SPOCK1: variants seen among roughly 807,000 people sequenced by gnomAD.
SPOCK1 encodes the protein SPARC (osteonectin), cwcv and kazal like domains proteoglycan 1.
Under a neutral mutation model 55.3 loss-of-function variants are expected in SPOCK1, and 23 were observed. The ratio of observed to expected loss-of-function variants is 0.42; its 90% CI spans 0.30 to 0.59. The LOEUF (loss-of-function observed/expected upper bound fraction) is 0.59, where lower values mean the gene tolerates loss of function less well. Among genes scored for constraint, SPOCK1 ranks in the 20% least tolerant of loss-of-function variants. SPOCK1 has a pLI of 0.22. For missense variants in SPOCK1, 499 were observed against 552.5 expected, an observed-to-expected ratio of 0.90 and a Z score of 0.97; for synonymous variants, 226 against 221.0, an observed-to-expected ratio of 1.02 and a Z score of -0.20.
chr5:137,446,081 C>A (rs969029496), intron 2 of SPOCK1, among the ~76,000 whole-genome samples: 5 of 152,140 alleles, frequency 3.3e-5, no homozygotes, highest in African/African-American at 1.2e-4. Flanking sequence ...CACTAAAATT[C>A]TATGCTCTAC....
At chr5:137,252,836 C>T (rs531497323) in intron 3 of SPOCK1, among the ~76,000 whole-genome samples, 9 of 152,146 alleles carry the variant, frequency 5.9e-5, no homozygotes, top group Non-Finnish European at 8.8e-5. Context: ...AGAGCATGCC[C>T]TTTGGGGCTG....
intron 3 of SPOCK1, among the ~76,000 whole-genome samples, chr5:137,232,103 A>G (rs1583391): frequency 0.85 from 128,821 of 152,120 alleles, 54,562 homozygotes; most frequent in African/African-American, 0.86. Flanking sequence ...AACACTTGCC[A>G]CCTGTAAGAT....
At chr5:137,407,934 C>T (rs967698756) in intron 2 of SPOCK1, among the ~76,000 whole-genome samples, 1 of 152,124 alleles carries the variant, frequency 6.6e-6, no homozygotes, top group South Asian at 2.1e-4. Context: ...TGCTTGCTGG[C>T]TGCCTCTCCC....
chr5:137,213,390 A>G (rs1755654651), intron 3 of SPOCK1, among the ~76,000 whole-genome samples: 1 of 152,222 alleles, frequency 6.6e-6, no homozygotes, highest in Admixed American at 6.5e-5. Flanking sequence ...AACACTATCA[A>G]GAACTCATAT....
chr5:137,183,766 G>A (rs1369715641), intron 3 of SPOCK1, among the ~76,000 whole-genome samples: 1 of 152,180 alleles, frequency 6.6e-6, no homozygotes, highest in Admixed American at 6.5e-5. Context: ...GTAGACGTTG[G>A]CAAGTTGCTT....
intron 2 of SPOCK1, among the ~76,000 whole-genome samples, chr5:137,296,709 C>T (rs993733087): frequency 3.3e-5 from 5 of 152,100 alleles, no homozygotes; most frequent in Non-Finnish European, 7.4e-5. Context: ...TGGAGATGTC[C>T]GGACTAGCAT....
intron 5 of SPOCK1, among the ~76,000 whole-genome samples, chr5:137,075,709 T>C (rs1752744008): frequency 6.6e-6 from 1 of 152,108 alleles, no homozygotes; most frequent in Non-Finnish European, 1.5e-5. Context: ...AGTCTTGCTG[T>C]CCTCCAGGCA....
chr5:137,200,347 T>C (rs934156318), intron 3 of SPOCK1, among the ~76,000 whole-genome samples: 6 of 152,150 alleles, frequency 3.9e-5, no homozygotes, highest in Non-Finnish European at 8.8e-5. Context: ...CCATCTGAAA[T>C]ATCAAACCTC....
intron 5 of SPOCK1, among the ~76,000 whole-genome samples, chr5:137,111,953 G>C (rs1753484056): frequency 6.6e-6 from 1 of 152,068 alleles, no homozygotes; most frequent in South Asian, 2.1e-4. Context: ...CCCCAGAAAA[G>C]AACAGTGCCT....
At chr5:137,354,344 C>T (rs1750744572) in intron 2 of SPOCK1, among the ~76,000 whole-genome samples, 1 of 152,152 alleles carries the variant, frequency 6.6e-6, no homozygotes, top group Admixed American at 6.5e-5. Context: ...TTGGTCCTCA[C>T]CCCACTCCTC....
intron 3 of SPOCK1, among the ~76,000 whole-genome samples, chr5:137,200,560 A>C (rs1351283831): frequency 6.6e-6 from 1 of 152,238 alleles, no homozygotes; most frequent in East Asian, 1.9e-4. Context: ...AGTGTTTGGC[A>C]CATAATAGGT....
chr5:137,068,390 C>A (rs1029790985), intron 5 of SPOCK1, among the ~76,000 whole-genome samples: 2 of 152,222 alleles, frequency 1.3e-5, no homozygotes, highest in African/African-American at 4.8e-5. Flanking sequence ...CACGGGTCTT[C>A]CCCCATCAGA....
chr5:136,987,393 T>C (rs1034573003), intron 8 of SPOCK1, among the ~76,000 whole-genome samples: 1 of 152,210 alleles, frequency 6.6e-6, no homozygotes, highest in Non-Finnish European at 1.5e-5. Flanking sequence ...ATTTCCAGAA[T>C]GTTTCATTTG....
intron 6 of SPOCK1, among the ~76,000 whole-genome samples, chr5:136,996,634 CAG>C (rs1751044310): frequency 6.6e-6 from 1 of 152,110 alleles, no homozygotes; most frequent in Admixed American, 6.5e-5. Flanking sequence ...AGTGGGGACT[CAG>C]AGAACTTTTC....
chr5:137,119,838 C>T (rs1753654126), intron 4 of SPOCK1, among the ~76,000 whole-genome samples: 1 of 152,232 alleles, frequency 6.6e-6, no homozygotes, highest in African/African-American at 2.4e-5. Flanking sequence ...ACTGCTGTTA[C>T]TACTACCCAT....
intron 7 of SPOCK1, among the ~76,000 whole-genome samples, chr5:136,990,366 G>A (rs551891489): frequency 3.4e-4 from 51 of 151,298 alleles, no homozygotes; most frequent in African/African-American, 1.2e-3. Flanking sequence ...CTCCCTGAGG[G>A]AAAAGACTGT....
intron 2 of SPOCK1, among the ~76,000 whole-genome samples, chr5:137,370,064 G>A (rs1468741140): frequency 2.0e-5 from 3 of 152,218 alleles, no homozygotes; most frequent in Admixed American, 6.5e-5. Flanking sequence ...CGCTTATTCT[G>A]GTAGCGAGTG....
In SPOCK1 at chr5:137,204,789, A is replaced by G. The variant is rs114421699; in HGVS notation, c.232+62221T>C. Among the ~76,000 whole-genome samples the G allele has an allele frequency of 4.1e-3, 628 of 151,920 alleles. 3 individuals are homozygous for G. The highest frequency in any genetic ancestry group is 0.014 in the African/African-American group (600 of 41,408). On this transcript the variant is annotated intron_variant, in intron 3 of 10. Transcript: ENST00000394945. ...TGGAATAAGGTCCATATCCGAATTG[A>G]CCTCCACTGACCCCTGCAATCTCAT...
chr5:137,470,831 G>T (rs1009513843), intron 2 of SPOCK1, among the ~76,000 whole-genome samples: 4 of 152,162 alleles, frequency 2.6e-5, no homozygotes, highest in Middle Eastern at 3.2e-3. Context: ...GCTGCCCAGT[G>T]TCTGGCAGAA....
Sources: gnomAD v4.1 joint callset for allele counts (sites outside exome capture counted in the v4.1 genomes callset) on GRCh38, gnomAD v4.1.1 for gene constraint, MANE v1.5 for transcripts, NCBI Gene and HGNC (gene_info 2026-07-23, HGNC 2026-07-21) for gene names.